THSD4: variants seen among roughly 807,000 people sequenced by gnomAD.
THSD4 encodes the protein thrombospondin type 1 domain containing 4.
In THSD4, 69 loss-of-function variants were observed where a neutral mutation model predicts 119.0. That is an observed-to-expected ratio of 0.58 (90% CI 0.48 to 0.71). The LOEUF (loss-of-function observed/expected upper bound fraction) is 0.71, where lower values mean the gene tolerates loss of function less well. THSD4 is among the 30% of genes least tolerant of loss of function. The pLI is 0.00. For synonymous variants in THSD4, 524 were observed against 540.4 expected (o/e 0.97, Z 0.42); for missense variants, 1,393 against 1,391.1 (o/e 1.00, Z -0.02).
intron 3 of THSD4, among the ~76,000 whole-genome samples, chr15:71,189,228 A>G (rs1800233042): frequency 6.6e-6 from 1 of 152,170 alleles, no homozygotes; most frequent in African/African-American, 2.4e-5. Flanking sequence ...GCACCTTGCC[A>G]GGGTAATTAC....
intron 7 of THSD4, among the ~76,000 whole-genome samples, chr15:71,466,009 C>A (rs962499215): frequency 5.3e-5 from 8 of 152,074 alleles, no homozygotes; most frequent in Non-Finnish European, 1.0e-4. Context: ...TTTCTTCTTC[C>A]TTATCCTCCT....
intron 7 of THSD4, among the ~76,000 whole-genome samples, chr15:71,658,465 A>G (rs1228490684): frequency 6.6e-6 from 1 of 152,142 alleles, no homozygotes; most frequent in African/African-American, 2.4e-5. Context: ...CAGGGCAGGC[A>G]ATGGGTGTTG....
At chr15:71,582,329 G>T (rs2049574850) in intron 7 of THSD4, among the ~76,000 whole-genome samples, 1 of 152,090 alleles carries the variant, frequency 6.6e-6, no homozygotes, top group East Asian at 1.9e-4. Flanking sequence ...GTATGCTGAT[G>T]TTGTATCCTG....
intron 6 of THSD4, among the ~76,000 whole-genome samples, chr15:71,323,280 A>G (rs1461682490): frequency 6.6e-6 from 1 of 152,128 alleles, no homozygotes; most frequent in Non-Finnish European, 1.5e-5. Context: ...CCATTTCAGA[A>G]GCTGACTACC....
intron 6 of THSD4, among the ~76,000 whole-genome samples, chr15:71,318,090 A>G (rs2045216351): frequency 6.6e-6 from 1 of 152,134 alleles, no homozygotes; most frequent in Non-Finnish European, 1.5e-5. Flanking sequence ...GAAGGGAGGA[A>G]GGATTCAGGG....
chr15:71,376,349 A>G (rs1264668228), intron 6 of THSD4, among the ~76,000 whole-genome samples: 1 of 152,088 alleles, frequency 6.6e-6, no homozygotes, highest in Non-Finnish European at 1.5e-5. Flanking sequence ...CCTAGTTTAG[A>G]TGTCCTGTTT....
At chr15:71,728,826 A>G in intron 9 of THSD4, 102 bp downstream of exon 9, 3 of 1,471,862 alleles carry the variant, frequency 2.0e-6, no homozygotes, top group Middle Eastern at 1.7e-4. Flanking sequence ...CCCATACTCA[A>G]TAAAAACCCT....
chr15:71,710,207 G>A (rs908222432), intron 8 of THSD4, among the ~76,000 whole-genome samples: 1 of 152,064 alleles, frequency 6.6e-6, no homozygotes, highest in Non-Finnish European at 1.5e-5. Context: ...CAACAGGGAG[G>A]TGCCCCCCTC....
chr15:71,341,417 T>C (rs1398340941), intron 6 of THSD4: 5 of 1,612,622 alleles, frequency 3.1e-6, no homozygotes, highest in Non-Finnish European at 3.4e-6. Context: ...AGCATTACTC[T>C]CTGCGTTTTT....
upstream of THSD4, among the ~76,000 whole-genome samples, chr15:71,113,111 C>T (rs745979410): frequency 6.6e-6 from 1 of 152,216 alleles, no homozygotes; most frequent in East Asian, 1.9e-4. Flanking sequence ...ATTGCTTGAG[C>T]CCAGGAGGTG....
chr15:71,507,955 G>A (rs891422064), intron 7 of THSD4, among the ~76,000 whole-genome samples: 5 of 152,152 alleles, frequency 3.3e-5, no homozygotes, highest in South Asian at 2.1e-4. Flanking sequence ...TTAGGGAATA[G>A]CAAAGTCTTC....
intron 1 of THSD4, among the ~76,000 whole-genome samples, chr15:71,108,799 G>T (rs1164617089): frequency 6.6e-6 from 1 of 152,166 alleles, no homozygotes; most frequent in Non-Finnish European, 1.5e-5. Context: ...AGACCATCCT[G>T]GCCAGCATGG....
chr15:71,617,758 C>T (rs954722477), intron 7 of THSD4, among the ~76,000 whole-genome samples: 24 of 152,334 alleles, frequency 1.6e-4, no homozygotes, highest in Middle Eastern at 3.4e-3. Context: ...TTTCTCCATT[C>T]GTGAATTTTG....
intron 6 of THSD4, among the ~76,000 whole-genome samples, chr15:71,353,831 C>T (rs920696532): frequency 1.3e-5 from 2 of 152,154 alleles, no homozygotes; most frequent in African/African-American, 4.8e-5. Flanking sequence ...ATTTGCTGTT[C>T]GTGTGACCTC....
At chr15:71,450,283 T>A (rs977306421) in intron 7 of THSD4, among the ~76,000 whole-genome samples, 13 of 152,312 alleles carry the variant, frequency 8.5e-5, no homozygotes, top group Non-Finnish European at 1.3e-4. Flanking sequence ...AAGTGGAGAC[T>A]CATGCTCTGG....
In THSD4 at chr15:71,491,611, C is replaced by G. The variant is rs140285400; in HGVS notation, c.1152+79788C>G. ...TTATGGCCCAGCATGGTGGCTCACG[C>G]CTGTAATCCCAACACTTTAGGGGGC... On this transcript the variant is annotated intron_variant, in intron 7 of 17. Coordinates refer to ENST00000261862, the MANE Select transcript of THSD4 (RefSeq NM_024817.3). Among the ~76,000 whole-genome samples the G allele has an allele frequency of 3.1e-3, 467 of 152,308 alleles. 2 individuals carry two copies. Among genetic ancestry groups the G allele is most frequent in the Non-Finnish European group, 4.9e-3 (335 of 68,032 alleles).
At chr15:71,335,609 T>G (rs1328498304) in intron 6 of THSD4, among the ~76,000 whole-genome samples, 1 of 152,118 alleles carries the variant, frequency 6.6e-6, no homozygotes, top group Non-Finnish European at 1.5e-5. Context: ...GGGAGGTATG[T>G]GTGCCATGCT....
At chr15:71,103,940 T>A (rs977008936) in intron 1 of THSD4, among the ~76,000 whole-genome samples, 2 of 152,194 alleles carry the variant, frequency 1.3e-5, no homozygotes, top group African/African-American at 2.4e-5. Flanking sequence ...TGGCTGATAC[T>A]GGGAGGGAAA....
chr15:71,509,648 A>G (rs901183471), intron 7 of THSD4, among the ~76,000 whole-genome samples: 5 of 152,226 alleles, frequency 3.3e-5, no homozygotes, highest in African/African-American at 1.2e-4. Flanking sequence ...AATCCCACAT[A>G]TTTTATTGGC....
Sources: gnomAD v4.1 joint callset for allele counts (sites outside exome capture counted in the v4.1 genomes callset) on GRCh38, gnomAD v4.1.1 for gene constraint, MANE v1.5 for transcripts, NCBI Gene and HGNC (gene_info 2026-07-23, HGNC 2026-07-21) for gene names.